HM13: variants seen among roughly 807,000 people sequenced by gnomAD.
HM13 encodes histocompatibility minor 13, also known as signal peptide peptidase.
A neutral mutation model predicts 50.0 loss-of-function variants in HM13; 18 were observed. The ratio of observed to expected loss-of-function variants is 0.36; its 90% CI spans 0.25 to 0.53. The LOEUF (loss-of-function observed/expected upper bound fraction) is 0.53, where lower values mean the gene tolerates loss of function less well. Among genes scored for constraint, HM13 ranks in the 20% least tolerant of loss-of-function variants. HM13 has a pLI of 0.90. For synonymous variants in HM13, 197 were observed against 232.6 expected (o/e 0.85, Z 1.39); for missense variants, 393 against 552.4 (o/e 0.71, Z 2.89).
intron 4 of HM13, 75 bp downstream of exon 4, chr20:31,545,110 T>C: frequency 8.4e-7 from 1 of 1,195,642 alleles, no homozygotes; most frequent in Non-Finnish European, 1.2e-6. Flanking sequence ...TCTCCAATAT[T>C]GGGGTTCTCC....
intron 10 of HM13, among the ~76,000 whole-genome samples, chr20:31,565,862 G>A (rs559845949): frequency 2.2e-4 from 33 of 152,298 alleles, no homozygotes; most frequent in African/African-American, 7.0e-4. Flanking sequence ...TAAAATGCAG[G>A]TGTGAGCCCC....
intron 4 of HM13, chr20:31,547,835 T>C (rs1307418740): frequency 8.6e-6 from 8 of 933,142 alleles, no homozygotes; most frequent in South Asian, 1.3e-5. Flanking sequence ...GGCGCAAATA[T>C]TATGTGTCCA....
At chr20:31,552,051 C>T (rs6058086) in intron 7 of HM13, among the ~76,000 whole-genome samples, 38,576 of 151,492 alleles carry the variant, frequency 0.25, 7,049 homozygotes, top group African/African-American at 0.52. Context: ...GAATTGGCAG[C>T]CCCCGAGAAC....
At chr20:31,558,758 C>T (rs1274049765) in intron 8 of HM13, among the ~76,000 whole-genome samples, 1 of 151,884 alleles carries the variant, frequency 6.6e-6, no homozygotes, top group Non-Finnish European at 1.5e-5. Flanking sequence ...GAGTCTCACT[C>T]TGTCGTCCAG....
At chr20:31,565,483 A>AAC (rs1984858307) in intron 10 of HM13, among the ~76,000 whole-genome samples, 1 of 147,104 alleles carries the variant, frequency 6.8e-6, no homozygotes, top group Non-Finnish European at 1.5e-5. Flanking sequence ...CTCTGTCTCA[A>AAC]AAAAAAAAAA....
intron 8 of HM13, among the ~76,000 whole-genome samples, chr20:31,558,990 C>G (rs1421481341): frequency 6.6e-6 from 1 of 152,230 alleles, no homozygotes; most frequent in Admixed American, 6.5e-5. Flanking sequence ...GCGATCTTGG[C>G]TCACTGCAAC....
At chr20:31,520,843 T>G (rs7346070) in intron 1 of HM13, among the ~76,000 whole-genome samples, 47,205 of 152,020 alleles carry the variant, frequency 0.31, 12,144 homozygotes, top group African/African-American at 0.71. Flanking sequence ...TCCAGCTGGG[T>G]CAACAGTAAC....
intron 8 of HM13, 78 bp downstream of exon 8, chr20:31,554,907 G>A (rs1984228215): frequency 1.7e-6 from 2 of 1,180,402 alleles, no homozygotes; most frequent in East Asian, 2.3e-5. Context: ...CTGCTAAACA[G>A]ACAGGCTTAC....
In HM13 at chr20:31,538,054, T is replaced by C. The variant is rs371599135; in HGVS notation, c.283-125T>C. 1.5e-4 allele frequency: 160 copies of C among 1,074,468 alleles called. 1 individual carries two copies. The East Asian group carries it at 3.3e-3, about 22-fold the overall frequency. The allele number at this position is 1,074,468 out of a possible 1,614,324, so 66.6% of individuals were successfully genotyped here. A position where few individuals can be genotyped will look rare whatever the true frequency, so the allele number is the denominator to read the frequency against. On this transcript the variant is annotated intron_variant, in intron 2 of 12. Coordinates refer to ENST00000398174, the MANE Select transcript of HM13 (RefSeq NM_178581.3). ...GAATGCCACTAGTATTGTCTGAGAC[T>C]CTTCCTGACTGTCCCCCGACTCAAG...
Position 31,527,801 on chromosome 20 carries a change from T to C in HM13, c.282+219T>C, listed in dbSNP as rs1982585873. 19 of 513,386 alleles carry C rather than the reference T, an allele frequency of 3.7e-5. No homozygotes were observed. In the South Asian group the frequency reaches 4.9e-4, roughly 13 times the overall value. The allele number at this position is 513,386 out of a possible 1,614,324, so 31.8% of individuals were successfully genotyped here. Reference sequence around the variant, plus strand: ...TTTCTTTTCTCCATGTAGCTTTTTGTTTTGTTTTTGTGATATCAGTTTGGT... The same window carrying C: ...TTTCTTTTCTCCATGTAGCTTTTTGCTTTGTTTTTGTGATATCAGTTTGGT... On this transcript the variant is annotated intron_variant, in intron 2 of 12. Coordinates refer to ENST00000398174, the MANE Select transcript of HM13 (RefSeq NM_178581.3).
chr20:31,549,429 A>G lies in HM13; in HGVS notation c.666+97A>G, dbSNP rs111744558. ...CCAAGTTGCAGTCATCTGACGGAGA[A>G]GAGCTGTTTTGGGCTGAAGTTCCGG... On this transcript the variant is annotated intron_variant, in intron 6 of 12. Transcript: ENST00000398174. 1.4e-3 allele frequency: 2,217 copies of G among 1,534,700 alleles called. 24 individuals are homozygous for G. In the African/African-American group the frequency reaches 0.027, roughly 18 times the overall value.
chr20:31,551,012 G>T (rs2122629614), intron 7 of HM13, among the ~76,000 whole-genome samples: 1 of 152,140 alleles, frequency 6.6e-6, no homozygotes, highest in African/African-American at 2.4e-5. Context: ...ATATGTGTGT[G>T]TACATATATA....
chr20:31,518,326 C>T (rs184357487), intron 1 of HM13, among the ~76,000 whole-genome samples: 476 of 150,542 alleles, frequency 3.2e-3, no homozygotes, highest in African/African-American at 0.011. Flanking sequence ...TGAGCCACCG[C>T]GCCCAGCAAT....
At chr20:31,542,144 C>T (rs1340971851) in intron 3 of HM13, among the ~76,000 whole-genome samples, 1 of 152,240 alleles carries the variant, frequency 6.6e-6, no homozygotes, top group Admixed American at 6.5e-5. Context: ...TCCACCTCCA[C>T]CACCACTTCC....
rs764200650 is a variant in HM13 at position 31,538,239 on chromosome 20, C to T, written c.343C>T (p.Leu115=). 6.2e-7 allele frequency: 1 copy of T among 1,614,138 alleles called. No homozygotes were observed. Among genetic ancestry groups the T allele is most frequent in the Non-Finnish European group, 8.5e-7 (1 of 1,179,996 alleles). Reference sequence around the variant, plus strand: ...CATGTATTTCTTCGTGCTGGGAATCCTGGCCCTGTCCCACACCATCAGGTC... The same window carrying T: ...CATGTATTTCTTCGTGCTGGGAATCTTGGCCCTGTCCCACACCATCAGGTC... ...LSMYFFVLGI[L]ALSHTISPFM... is the part of the protein sequence containing the mutation. Residue 115 remains leucine, a synonymous_variant, in exon 3 of 13, where the codon CTG becomes TTG. Coordinates refer to ENST00000398174, the MANE Select transcript of HM13 (RefSeq NM_178581.3).
At chr20:31,520,148 T>G (rs545581609) in intron 1 of HM13, among the ~76,000 whole-genome samples, 3 of 152,178 alleles carry the variant, frequency 2.0e-5, no homozygotes, top group Admixed American at 1.3e-4. Flanking sequence ...TGAGCCACTG[T>G]TCCCAGCCCA....
intron 1 of HM13, among the ~76,000 whole-genome samples, chr20:31,516,300 A>G (rs923908864): frequency 1.3e-5 from 2 of 152,224 alleles, no homozygotes; most frequent in Non-Finnish European, 2.9e-5. Context: ...CACCTTCTGT[A>G]CATGGATCAC....
In HM13 at chr20:31,547,979, A is replaced by G. The variant is rs752089083; in HGVS notation, c.455-1050A>G. ...TCTGCAGAAGATATTGAGAAAGTCA[A>G]CAAAGGAATTGGCATTGAAAATATC... On this transcript the variant is annotated intron_variant, in intron 4 of 12. Transcript: ENST00000398174. The G allele has an allele frequency of 1.5e-5, 23 of 1,574,052 alleles. No homozygotes were observed. The African/African-American group carries it at 2.0e-4, about 14-fold the overall frequency.
At chr20:31,557,291 C>A (rs1243470051) in intron 8 of HM13, among the ~76,000 whole-genome samples, 2 of 152,204 alleles carry the variant, frequency 1.3e-5, no homozygotes, top group Non-Finnish European at 2.9e-5. Context: ...CTTAAGGGCA[C>A]GGTCTGTCAT....
Sources: gnomAD v4.1 joint callset for allele counts (sites outside exome capture counted in the v4.1 genomes callset) on GRCh38, gnomAD v4.1.1 for gene constraint, MANE v1.5 for transcripts, NCBI Gene and HGNC (gene_info 2026-07-23, HGNC 2026-07-21) for gene names.